The following MDGA2 variants were observed in gnomAD, a reference collection of about 807,000 sequenced individuals.
MDGA2 encodes the protein MAM domain containing glycosylphosphatidylinositol anchor 2.
MDGA2 carries 40 observed loss-of-function variants against 117.8 expected under a neutral mutation model. The ratio of observed to expected loss-of-function variants is 0.34; its 90% CI spans 0.26 to 0.44. The LOEUF is 0.44. MDGA2 is among the 20% of genes least tolerant of loss of function. The probability of loss-of-function intolerance (pLI) is 1.00; values close to 1 mark genes in which losing one functional copy is unlikely to be tolerated. For synonymous variants in MDGA2, 452 were observed against 439.0 expected, an observed-to-expected ratio of 1.03 and a Z score of -0.37; for missense variants, 1,123 against 1,250.6, an observed-to-expected ratio of 0.90 and a Z score of 1.54.
chr14:47,090,764 C>T (rs537777907), intron 6 of MDGA2, among the ~76,000 whole-genome samples: 163 of 152,192 alleles, frequency 1.1e-3, no homozygotes, highest in Non-Finnish European at 2.0e-3. Flanking sequence ...AGTCTGGCTA[C>T]CTTGAAGCTG....
At chr14:47,426,125 G>A (rs1383382757) in intron 1 of MDGA2, among the ~76,000 whole-genome samples, 1 of 151,984 alleles carries the variant, frequency 6.6e-6, no homozygotes, top group Non-Finnish European at 1.5e-5. Flanking sequence ...TGGCAGATGA[G>A]AACATGGACA....
intron 1 of MDGA2, among the ~76,000 whole-genome samples, chr14:47,667,411 G>C (rs1230040597): frequency 1.3e-5 from 2 of 152,200 alleles, no homozygotes; most frequent in African/African-American, 4.8e-5. Flanking sequence ...CCATCAGTGA[G>C]AAGAGTAATC....
At chr14:47,028,874 T>C (rs1436588864) in intron 8 of MDGA2, among the ~76,000 whole-genome samples, 1 of 152,154 alleles carries the variant, frequency 6.6e-6, no homozygotes, top group Non-Finnish European at 1.5e-5. Flanking sequence ...TTCATTCATT[T>C]ATAAAATTTT....
At chr14:47,500,061 A>G (rs1319064398) in intron 1 of MDGA2, among the ~76,000 whole-genome samples, 1 of 152,168 alleles carries the variant, frequency 6.6e-6, no homozygotes, top group Non-Finnish European at 1.5e-5. Flanking sequence ...TCATTTGCAT[A>G]TTTTCACAAA....
intron 1 of MDGA2, among the ~76,000 whole-genome samples, chr14:47,614,099 T>TC (rs1259136618): frequency 6.8e-6 from 1 of 146,180 alleles, no homozygotes; most frequent in African/African-American, 2.5e-5. Flanking sequence ...TTTTTTCTTT[T>TC]TTTTTTTTTT....
At chr14:46,901,054 T>C (rs1253297886) in intron 10 of MDGA2, among the ~76,000 whole-genome samples, 4 of 151,860 alleles carry the variant, frequency 2.6e-5, no homozygotes, top group African/African-American at 9.7e-5. Context: ...AAAAGGCTTT[T>C]AAAGTACTGA....
At chr14:47,125,923 C>T (rs984155456) in intron 5 of MDGA2, among the ~76,000 whole-genome samples, 6 of 151,922 alleles carry the variant, frequency 3.9e-5, no homozygotes, top group African/African-American at 1.4e-4. Context: ...GACATCAAGT[C>T]ATAAGTGCTT....
At chr14:47,392,724 T>A (rs1209188975) in intron 1 of MDGA2, among the ~76,000 whole-genome samples, 1 of 152,012 alleles carries the variant, frequency 6.6e-6, no homozygotes. Flanking sequence ...CCACTTACAC[T>A]TGCTGTCCAG....
At chr14:47,216,749 A>G (rs1452379791) in intron 3 of MDGA2, among the ~76,000 whole-genome samples, 7 of 152,098 alleles carry the variant, frequency 4.6e-5, no homozygotes, top group Non-Finnish European at 5.9e-5. Context: ...ACTTAACCTA[A>G]TTTAAAATTG....
intron 14 of MDGA2, among the ~76,000 whole-genome samples, chr14:46,862,389 A>C (rs777921904): frequency 3.3e-5 from 5 of 149,388 alleles, no homozygotes; most frequent in Admixed American, 6.7e-5. Flanking sequence ...CAATAGCCTG[A>C]TTATTATTTT....
chr14:47,044,269 CA>C (rs1332511679), intron 7 of MDGA2, among the ~76,000 whole-genome samples: 2 of 151,876 alleles, frequency 1.3e-5, no homozygotes, highest in Middle Eastern at 3.4e-3. Context: ...AAACATCCAC[CA>C]AAAAACAATA....
At chr14:47,101,274 A>G (rs1185221117) in intron 5 of MDGA2, among the ~76,000 whole-genome samples, 1 of 152,196 alleles carries the variant, frequency 6.6e-6, no homozygotes. Flanking sequence ...TGAACTCTCA[A>G]TAGAATTTCA....
intron 1 of MDGA2, among the ~76,000 whole-genome samples, chr14:47,522,700 A>G (rs1488280620): frequency 3.3e-5 from 5 of 152,240 alleles, no homozygotes; most frequent in Non-Finnish European, 5.9e-5. Context: ...TTAATTTAAA[A>G]GTAACTATTA....
chr14:47,119,171 C>CG lies in MDGA2; in HGVS notation c.925+12542_925+12543insC, dbSNP rs1462551374. 9.6e-4 allele frequency among the ~76,000 whole-genome samples: 11 copies of CG among 11,414 alleles called. 2 individuals carry two copies. The highest frequency in any genetic ancestry group is 2.0e-3 in the Non-Finnish European group (3 of 1,532). The allele number at this position is 11,414 out of a possible 152,430, so 7.5% of individuals were successfully genotyped here. On this transcript the variant is annotated intron_variant, in intron 5 of 16. Transcript: ENST00000399232. ...GTTCACGCCATTCTCCTGCCTCAGC[C>CG]CCGCCCCCCCCCCCCCACCCCGTAG...
At chr14:46,995,394 T>G (rs1380917772) in intron 8 of MDGA2, among the ~76,000 whole-genome samples, 1 of 152,104 alleles carries the variant, frequency 6.6e-6, no homozygotes, top group Non-Finnish European at 1.5e-5. Context: ...ATAATATAAA[T>G]TAAAGGTTGA....
intron 1 of MDGA2, among the ~76,000 whole-genome samples, chr14:47,586,312 A>T (rs1177539066): frequency 6.6e-6 from 1 of 151,852 alleles, no homozygotes; most frequent in African/African-American, 2.4e-5. Flanking sequence ...AATGAGATTT[A>T]GTTTGTCATT....
intron 3 of MDGA2, among the ~76,000 whole-genome samples, chr14:47,163,622 G>A (rs377585899): frequency 3.3e-5 from 5 of 152,138 alleles, no homozygotes; most frequent in African/African-American, 4.8e-5. Context: ...ATAAACCTCC[G>A]TCTTTTGTAA....
chr14:47,278,709 A>G (rs971205220), intron 2 of MDGA2, among the ~76,000 whole-genome samples: 7 of 152,218 alleles, frequency 4.6e-5, no homozygotes, highest in African/African-American at 1.7e-4. Context: ...TGGAATAGAT[A>G]ATATACGCAT....
At chr14:47,289,474 ATTG>A (rs1209808123) in intron 2 of MDGA2, among the ~76,000 whole-genome samples, 1 of 151,892 alleles carries the variant, frequency 6.6e-6, no homozygotes, top group Non-Finnish European at 1.5e-5. Flanking sequence ...ACAAAAACAT[ATTG>A]TGAAATATCT....
Sources: gnomAD v4.1 joint callset for allele counts (sites outside exome capture counted in the v4.1 genomes callset) on GRCh38, gnomAD v4.1.1 for gene constraint, MANE v1.5 for transcripts, NCBI Gene and HGNC (gene_info 2026-07-23, HGNC 2026-07-21) for gene names.